The following TASP1 variants were observed in gnomAD, a reference collection of about 807,000 sequenced individuals.
TASP1 encodes the protein taspase 1, also known as threonine aspartase 1.
Under a neutral mutation model 56.6 loss-of-function variants are expected in TASP1, and 16 were observed. The ratio of observed to expected loss-of-function variants is 0.28; its 90% CI spans 0.19 to 0.43. TASP1 has a LOEUF of 0.43. Ranked by LOEUF, TASP1 falls within the 20% of genes least tolerant of loss-of-function variation. The pLI is 1.00. For missense variants in TASP1, 393 were observed against 511.6 expected (o/e 0.77, Z 2.24); for synonymous variants, 179 against 184.2 (o/e 0.97, Z 0.23).
At chr20:13,543,597 T>A (rs1050624489) in intron 8 of TASP1, among the ~76,000 whole-genome samples, 2 of 152,060 alleles carry the variant, frequency 1.3e-5, no homozygotes, top group African/African-American at 2.4e-5. Flanking sequence ...CGAGACTCCA[T>A]CTCAAAAACA....
intron 13 of TASP1, among the ~76,000 whole-genome samples, chr20:13,411,175 T>G (rs772415649): frequency 3.3e-5 from 5 of 152,196 alleles, no homozygotes; most frequent in Non-Finnish European, 7.4e-5. Context: ...CTCTGTTCTA[T>G]TGGTCTATAT....
At chr20:13,339,293 C>T in the TASP1 span, among the ~76,000 whole-genome samples, 4 of 152,156 alleles carry the variant, frequency 2.6e-5, no homozygotes, top group Non-Finnish European at 5.9e-5. Flanking sequence ...CTTTTGATCT[C>T]CAGTGACTAG....
At chr20:13,135,214 G>A in the TASP1 span, among the ~76,000 whole-genome samples, 6 of 152,138 alleles carry the variant, frequency 3.9e-5, no homozygotes, top group African/African-American at 1.4e-4. Context: ...CAATGGGTAG[G>A]ATCAATTTGA....
At chr20:13,160,377 G>A in the TASP1 span, among the ~76,000 whole-genome samples, 2 of 152,204 alleles carry the variant, frequency 1.3e-5, no homozygotes, top group African/African-American at 4.8e-5. Context: ...TCCTACAAAA[G>A]ACTGACTGAG....
In TASP1 at chr20:13,580,967, C is replaced by A. The variant is rs2047100021; in HGVS notation, c.418G>T (p.Val140Phe). 2 of 1,600,426 alleles carry A rather than the reference C, an allele frequency of 1.2e-6. No homozygotes were observed. Among genetic ancestry groups the A allele is most frequent in the Non-Finnish European group, 8.5e-7 (1 of 1,173,880 alleles). The change falls in exon 6 of 14, where the codon GTC becomes TTC. Residue 140 changes from valine to phenylalanine, a missense_variant. This residue lies in a region of TASP1 where 293 missense variants were observed against 354.2 expected (regional missense o/e 0.83). Coordinates refer to ENST00000337743, the MANE Select transcript of TASP1 (RefSeq NM_017714.3). Reference protein sequence around the residue: ...VGALSGIKNPVSVANRLLCEG... With the variant: ...VGALSGIKNPFSVANRLLCEG... The stretch of plus-strand genomic sequence containing the variant: ...CATAAGAGTCTGTTGGCAACCGAGA[C>A]TGGGTTCTTGATTCCTATAAAAAAA...
the TASP1 span, among the ~76,000 whole-genome samples, chr20:13,289,544 C>A: frequency 1.3e-5 from 2 of 152,050 alleles, no homozygotes; most frequent in Non-Finnish European, 2.9e-5. Flanking sequence ...CAAACTATGG[C>A]CAGGTCTGGC....
chr20:13,483,463 G>A (rs2043213042), intron 10 of TASP1, 126 bp from the exon 11 acceptor site: 1 of 536,222 alleles, frequency 1.9e-6, no homozygotes, highest in Non-Finnish European at 3.1e-6. Flanking sequence ...AATTCCGTGA[G>A]GGATGAAATG....
downstream of TASP1, among the ~76,000 whole-genome samples, chr20:13,387,185 T>C (rs75679290): frequency 3.1e-3 from 140 of 44,500 alleles, 4 homozygotes; most frequent in East Asian, 0.057. Flanking sequence ...CATGATTTCA[T>C]TTTTTTTTTT....
chr20:13,397,406 C>T (rs191589148), intron 13 of TASP1, among the ~76,000 whole-genome samples: 37 of 151,820 alleles, frequency 2.4e-4, no homozygotes, highest in African/African-American at 7.7e-4. Flanking sequence ...GTATACTATA[C>T]CTATTTTTTT....
intron 10 of TASP1, among the ~76,000 whole-genome samples, chr20:13,522,605 T>C (rs1310679794): frequency 1.3e-5 from 2 of 152,130 alleles, no homozygotes; most frequent in Non-Finnish European, 2.9e-5. Flanking sequence ...TATTCGGACA[T>C]GCTAAATAGA....
intron 4 of TASP1, among the ~76,000 whole-genome samples, chr20:13,595,452 C>T (rs1337423576): frequency 1.3e-5 from 2 of 152,118 alleles, no homozygotes; most frequent in African/African-American, 4.8e-5. Context: ...AGAGTCAAGA[C>T]CCATCAGTGT....
intron 10 of TASP1, among the ~76,000 whole-genome samples, chr20:13,507,015 A>C (rs1364724163): frequency 1.3e-5 from 2 of 152,214 alleles, no homozygotes; most frequent in East Asian, 3.8e-4. Context: ...TGTTATATAT[A>C]GAAAACTGTA....
At chr20:13,465,176 C>CT (rs1227446467) in intron 11 of TASP1, among the ~76,000 whole-genome samples, 3 of 123,250 alleles carry the variant, frequency 2.4e-5, no homozygotes, top group Non-Finnish European at 5.0e-5. Context: ...CTTTCTCTCT[C>CT]CCAAAAAAAA....
the TASP1 span, among the ~76,000 whole-genome samples, chr20:13,208,248 A>G: frequency 2.0e-5 from 3 of 152,334 alleles, no homozygotes; most frequent in East Asian, 5.8e-4. Context: ...AAACAGCATC[A>G]TCTGGTGATA....
At chr20:13,168,061 C>G in the TASP1 span, 2 of 152,070 alleles carry the variant, frequency 1.3e-5, no homozygotes, top group South Asian at 4.1e-4. Flanking sequence ...AAAATTGATC[C>G]AATATTGAAG....
At chr20:13,157,274 A>AC in the TASP1 span, among the ~76,000 whole-genome samples, 1 of 256 alleles carries the variant, frequency 3.9e-3, no homozygotes, top group African/African-American at 0.083. Context: ...CTAAAAGTAC[A>AC]AAAAAAAAAA....
chr20:13,298,925 T>C, the TASP1 span: 2 of 1,611,308 alleles, frequency 1.2e-6, no homozygotes, highest in Non-Finnish European at 1.7e-6. Context: ...AGAGGGTTTC[T>C]CTTTGGCCTT....
At chr20:13,215,716 T>A in the TASP1 span, among the ~76,000 whole-genome samples, 1 of 152,198 alleles carries the variant, frequency 6.6e-6, no homozygotes, top group African/African-American at 2.4e-5. Context: ...ACCTATTTGG[T>A]GGTCTCTTGC....
intron 5 of TASP1, among the ~76,000 whole-genome samples, chr20:13,584,002 C>T (rs1001136239): frequency 1.3e-5 from 2 of 152,088 alleles, no homozygotes; most frequent in Admixed American, 1.3e-4. Flanking sequence ...TCACTTGAAC[C>T]CAAGAGGCAG....
Sources: gnomAD v4.1 joint callset for allele counts (sites outside exome capture counted in the v4.1 genomes callset) on GRCh38, gnomAD v4.1.1 for gene constraint, gnomAD v4.1.1 regional missense constraint, MANE v1.5 for transcripts, NCBI Gene and HGNC (gene_info 2026-07-23, HGNC 2026-07-21) for gene names.